TECTB: variants seen among roughly 807,000 people sequenced by gnomAD.
TECTB encodes beta-tectorin.
In TECTB, 45 loss-of-function variants were observed where a neutral mutation model predicts 43.3. The ratio of observed to expected loss-of-function variants is 1.04; its 90% CI spans 0.82 to 1.33. The LOEUF is 1.33. TECTB is among the 40% of genes most tolerant of loss of function. The probability of loss-of-function intolerance (pLI) is 0.00; values close to 1 mark genes in which losing one functional copy is unlikely to be tolerated. For synonymous variants in TECTB, 169 were observed against 156.7 expected, an observed-to-expected ratio of 1.08 and a Z score of -0.59; for missense variants, 399 against 404.7, an observed-to-expected ratio of 0.99 and a Z score of 0.12.
chr10:112,300,268 AAGAAAG>A (rs1848592723), intron 9 of TECTB, among the ~76,000 whole-genome samples: 1 of 36,754 alleles, frequency 2.7e-5, no homozygotes, highest in Non-Finnish European at 5.0e-5. Context: ...GAAAGAAAGA[AAGAAAG>A]AAAGAAAAGA....
At chr10:112,288,664 A>G (rs1473163444) in intron 5 of TECTB, among the ~76,000 whole-genome samples, 6 of 152,308 alleles carry the variant, frequency 3.9e-5, no homozygotes, top group Admixed American at 3.9e-4. Flanking sequence ...CTCCCTGCAT[A>G]TATTTCCATC....
chr10:112,294,412 G>T (rs1564708868), intron 7 of TECTB, among the ~76,000 whole-genome samples: 1 of 152,174 alleles, frequency 6.6e-6, no homozygotes, highest in Non-Finnish European at 1.5e-5. Context: ...GTGCATGTGT[G>T]TATGTGTGCA....
chr10:112,299,435 C>A, intron 8 of TECTB, 57 bp from the exon 9 acceptor site: 5 of 1,542,542 alleles, frequency 3.2e-6, no homozygotes, highest in Non-Finnish European at 4.5e-6. Context: ...CTCCCCTTTG[C>A]TCACGCATCA....
chr10:112,283,582 C>T (rs1848429990), intron 1 of TECTB, 66 bp from the exon 2 acceptor site: 1 of 681,786 alleles, frequency 1.5e-6, no homozygotes, highest in Non-Finnish European at 2.4e-6. Flanking sequence ...GAAAATTTCC[C>T]CAAGACTGTA....
Position 112,283,784 on chromosome 10 carries a change from C to T in TECTB, c.50C>T (p.Ala17Val). 3.1e-6 allele frequency: 5 copies of T among 1,613,944 alleles called. No individual in the cohort carries two copies. The highest frequency in any genetic ancestry group is 4.2e-6 in the Non-Finnish European group (5 of 1,179,914). Residue 17 changes from alanine (A) to valine (V), a missense_variant, in exon 2 of 11, where the codon GCA (alanine) becomes GTA (valine). Transcript: ENST00000646139. The part of the protein sequence containing the change: ...VLLAIFAEAS[A>V]KSCAPNKADV... ...TTGGCCATCTTTGCAGAAGCCTCTG[C>T]AAAATCGTGTGCTCCAAATAAAGCA...
chr10:112,290,142 C>T (rs1453250109), intron 5 of TECTB, among the ~76,000 whole-genome samples: 1 of 152,176 alleles, frequency 6.6e-6, no homozygotes, highest in Non-Finnish European at 1.5e-5. Context: ...TCTTGCACCG[C>T]TCACTCTGTA....
In TECTB at chr10:112,298,140, C is replaced by T. The variant is rs986906145; in HGVS notation, c.743C>T (p.Ala248Val). The change falls in exon 8 of 11, where the codon GCT becomes GTT. Residue 248 changes from alanine (A) to valine (V), a missense_variant. Transcript: ENST00000646139. ...RDHRATFQFN[A>V]FRFQNIPKLS... ...CACAGGGCAACCTTCCAATTCAATG[C>T]TTTCCGGTTCCAGAACATCCCCAAA... The T allele has an allele frequency of 3.1e-6, 5 of 1,614,114 alleles. No homozygotes were observed. The highest frequency in any genetic ancestry group is 4.2e-6 in the Non-Finnish European group (5 of 1,180,054).
At chr10:112,298,383 C>A in intron 8 of TECTB, 152 bp downstream of exon 8, 2 of 1,009,752 alleles carry the variant, frequency 2.0e-6, no homozygotes, top group Middle Eastern at 3.1e-4. Context: ...GGCAGATGCT[C>A]GTGAGGGCAG....
rs1848640871 is a variant in TECTB, at chr10:112,304,993, C to T, written c.*1681C>T. The T allele has an allele frequency of 6.6e-6, 1 of 152,090 alleles. No individual in the cohort carries two copies. Among genetic ancestry groups the T allele is most frequent in the African/African-American group, 2.4e-5 (1 of 41,416 alleles). 9.4% of individuals were successfully genotyped at this position (152,090 alleles called of 1,614,324 possible). On this transcript the variant is annotated 3_prime_UTR_variant, in exon 11 of 11. Coordinates refer to ENST00000646139, the MANE Select transcript of TECTB (RefSeq NM_058222.3). ...ATCATTGTGTTTTATGATCTTGTAT[C>T]TCTACCTGGCGCTATGGAATAAATA... is the stretch of plus-strand genomic sequence containing the variant.
rs567304743 is a variant in TECTB at position 112,283,663 on chromosome 10, G to A, written c.-72G>A. 91 of 1,416,006 alleles carry A rather than the reference G, an allele frequency of 6.4e-5. No homozygotes were observed. The East Asian group carries it at 2.0e-3, about 31-fold the overall frequency. 87.7% of individuals were successfully genotyped at this position (1,416,006 alleles called of 1,614,324 possible). A position where few individuals can be genotyped will look rare whatever the true frequency, so the allele number is the denominator to read the frequency against. On this transcript the variant is annotated 5_prime_UTR_variant, in exon 2 of 11. Transcript: ENST00000646139. ...TCTGACTTAGAATGATCGAGGCTCAGGCCCTGGAAGGACCGTAAACATTTG... is the reference window on the plus strand; with the variant it reads ...TCTGACTTAGAATGATCGAGGCTCAAGCCCTGGAAGGACCGTAAACATTTG...
chr10:112,294,328 T>C (rs1162326210), intron 7 of TECTB, among the ~76,000 whole-genome samples: 6 of 152,150 alleles, frequency 3.9e-5, no homozygotes, highest in African/African-American at 7.2e-5. Context: ...TCATCCCCAT[T>C]TTACAGATGT....
chr10:112,292,135 C>CAAA (rs1218997579), intron 5 of TECTB, among the ~76,000 whole-genome samples: 1 of 109,946 alleles, frequency 9.1e-6, no homozygotes, highest in Non-Finnish European at 1.9e-5. Flanking sequence ...GACTCCATCT[C>CAAA]AAAAAAAAAA....
At chr10:112,284,799 T>C in intron 3 of TECTB, 74 bp downstream of exon 3, 1 of 1,307,408 alleles carries the variant, frequency 7.6e-7, no homozygotes, top group Non-Finnish European at 1.0e-6. Context: ...GTCTGCCATC[T>C]GTCCTTGAAA....
intron 9 of TECTB, among the ~76,000 whole-genome samples, chr10:112,300,263 AAAGAAAGAAAGAAAGAAAAGAAAG>A (rs1323139398): frequency 2.8e-4 from 9 of 32,406 alleles, no homozygotes; most frequent in African/African-American, 1.7e-3. Flanking sequence ...AGAAAGAAAG[AAAGAAAGAAAGAAAGAAAAGAAAG>A]AAAGAAAGAA....
intron 9 of TECTB, among the ~76,000 whole-genome samples, chr10:112,301,524 C>T (rs896172816): frequency 6.6e-6 from 1 of 152,122 alleles, no homozygotes; most frequent in African/African-American, 2.4e-5. Context: ...ACTGCAACTA[C>T]AGGTGGATTT....
intron 7 of TECTB, among the ~76,000 whole-genome samples, chr10:112,294,476 G>A (rs1022291501): frequency 6.6e-6 from 1 of 152,094 alleles, no homozygotes. Context: ...ACAGAACCAC[G>A]GTGATGATGA....
Position 112,298,327 on chromosome 10 carries a change from C to A in TECTB, c.834+96C>A, listed in dbSNP as rs1038560805. 1.0e-5 allele frequency: 15 copies of A among 1,466,966 alleles called. No individual in the cohort carries two copies. The African/African-American group carries it at 1.5e-4, about 15-fold the overall frequency. 90.9% of individuals were successfully genotyped at this position (1,466,966 alleles called of 1,614,324 possible). On this transcript the variant is annotated intron_variant, in intron 8 of 10. Coordinates refer to ENST00000646139, the MANE Select transcript of TECTB (RefSeq NM_058222.3). ...TGGGGAGATCATAACCAGGCCAGGG[C>A]AGCTGTGTGCTGAGGACATCTGGAG...
rs1286073083 is a variant in TECTB, at chr10:112,300,275, AAAGAAAAG to A, written c.907+714_907+721del. On this transcript the variant is annotated intron_variant, in intron 9 of 10. Transcript: ENST00000646139. ...GAAAGAAAGAAAGAAAGAAAGAAAGAAAGAAAAGAAAGAAAGAAAGAAAGAAAGAAAGA... is the reference window on the plus strand; with the variant it reads ...GAAAGAAAGAAAGAAAGAAAGAAAGAAAAGAAAGAAAGAAAGAAAGAAAGA... Among the ~76,000 whole-genome samples the A allele has an allele frequency of 9.7e-3, 293 of 30,304 alleles. 1 individual carries two copies. Among genetic ancestry groups the A allele is most frequent in the Middle Eastern group, 0.028 (2 of 72 alleles). 19.9% of individuals were successfully genotyped at this position (30,304 alleles called of 152,430 possible). A position where few individuals can be genotyped will look rare whatever the true frequency, so the allele number is the denominator to read the frequency against.
chr10:112,294,006 G>C lies in TECTB; in HGVS notation c.616G>C (p.Ala206Pro). 1 of 1,614,136 alleles carries C rather than the reference G, an allele frequency of 6.2e-7. No individual in the cohort carries two copies. The change falls in exon 7 of 11, where the codon GCC becomes CCC. Residue 206 changes from alanine to proline, a missense_variant. Transcript: ENST00000646139. ...TAAAGTGGTCTTGAACAGCTGTTGGGCCACCCCCTCGGCTGACTTCATGTA... is the reference window on the plus strand; with the variant it reads ...TAAAGTGGTCTTGAACAGCTGTTGGCCCACCCCCTCGGCTGACTTCATGTA... ...RFKVVLNSCW[A>P]TPSADFMYPL...
Sources: allele counts gnomAD v4.1 joint callset (sites outside exome capture counted in the v4.1 genomes callset), GRCh38; gene constraint gnomAD v4.1.1; transcripts MANE v1.5; gene names NCBI Gene and HGNC (gene_info 2026-07-23, HGNC 2026-07-21).